HACL2: variants seen among roughly 807,000 people sequenced by gnomAD.
The protein encoded by HACL2 is 2-hydroxyacyl-CoA lyase 2, also known as 2-hydroxyacyl-CoA lyase 1 like.
chr19:15,119,207 C>T, the HACL2 span: 23 of 1,602,952 alleles, frequency 1.4e-5, no homozygotes, highest in Admixed American at 1.5e-4. Flanking sequence ...GGCCGCACTG[C>T]GGTTCTCCCG....
At chr19:15,119,900 A>G in the HACL2 span, 1 of 944,184 alleles carries the variant, frequency 1.1e-6, no homozygotes, top group Non-Finnish European at 1.6e-6. Context: ...AGGCCCCAGT[A>G]CTGACTCAGG....
At chr19:15,125,368 T>C in the HACL2 span, 2 of 381,270 alleles carry the variant, frequency 5.2e-6, no homozygotes, top group Non-Finnish European at 4.8e-6. Context: ...CACACAGTTA[T>C]CTTCCACTTA....
At chr19:15,116,505 C>CGAAGGAACCCACATCTCCTGGG in the HACL2 span, 1 of 1,613,558 alleles carries the variant, frequency 6.2e-7, no homozygotes, top group Non-Finnish European at 8.5e-7. Flanking sequence ...AACTTCAGCA[C>CGAAGGAACCCACATCTCCTGGG]GAAGGAACCC....
chr19:15,119,681 G>A, the HACL2 span, among the ~76,000 whole-genome samples: 2 of 152,204 alleles, frequency 1.3e-5, no homozygotes, highest in Non-Finnish European at 2.9e-5. Context: ...CTCCAGAGTA[G>A]CTGGGATTAC....
the HACL2 span, chr19:15,123,064 A>T: frequency 6.2e-7 from 1 of 1,609,718 alleles, no homozygotes; most frequent in Non-Finnish European, 8.5e-7. This position sits in a 1 kb window ranked among gnomAD's most constrained non-coding sequence, Gnocchi z 5.1. Flanking sequence ...GGGTTATCGC[A>T]TGAGCCCTTC....
the HACL2 span, among the ~76,000 whole-genome samples, chr19:15,120,613 T>C: frequency 1.3e-5 from 2 of 152,200 alleles, no homozygotes; most frequent in African/African-American, 4.8e-5. Flanking sequence ...GAAGGACCTG[T>C]GCAGGGCCCT....
the HACL2 span, among the ~76,000 whole-genome samples, chr19:15,120,464 C>T: frequency 6.6e-6 from 1 of 152,190 alleles, no homozygotes; most frequent in East Asian, 1.9e-4. Flanking sequence ...AAATATGAAC[C>T]TCCCTCCCCA....
the HACL2 span, chr19:15,116,853 C>T: frequency 3.1e-6 from 1 of 321,238 alleles, no homozygotes; most frequent in Admixed American, 4.7e-5. Context: ...CCACCAAGCA[C>T]ATCTCTCAAA....
At chr19:15,120,853 G>A in the HACL2 span, among the ~76,000 whole-genome samples, 1 of 151,740 alleles carries the variant, frequency 6.6e-6, no homozygotes, top group Admixed American at 6.6e-5. Flanking sequence ...GATTGCTCGA[G>A]GCCAGGAGTT....
the HACL2 span, chr19:15,120,009 C>T: frequency 6.4e-7 from 1 of 1,550,552 alleles, no homozygotes; most frequent in Non-Finnish European, 8.7e-7. Flanking sequence ...GGGGGATGTC[C>T]AGGGGCAGCG....
At chr19:15,122,564 C>G in the HACL2 span, 6 of 769,598 alleles carry the variant, frequency 7.8e-6, no homozygotes, top group East Asian at 1.6e-4. The surrounding 1 kb of genome is among the most constrained non-coding windows in gnomAD (Gnocchi z 4.0). Flanking sequence ...GTTCCTTCTA[C>G]CTGGAATGCT....
the HACL2 span, chr19:15,123,919 A>C: frequency 3.1e-6 from 1 of 324,434 alleles, no homozygotes; most frequent in Non-Finnish European, 5.7e-6. This position sits in a 1 kb window ranked among gnomAD's most constrained non-coding sequence, Gnocchi z 5.1. Flanking sequence ...AGAGGGTTAT[A>C]TAACCCAGGG....
At chr19:15,115,816 A>G in the HACL2 span, 1 of 1,603,268 alleles carries the variant, frequency 6.2e-7, no homozygotes, top group African/African-American at 1.3e-5. Flanking sequence ...CCAGAACCCC[A>G]GGCCCTAAGC....
chr19:15,122,776 G>A, the HACL2 span: 681 of 1,614,148 alleles, frequency 4.2e-4, 3 homozygotes, highest in African/African-American at 8.1e-3. The surrounding 1 kb of genome is among the most constrained non-coding windows in gnomAD (Gnocchi z 4.0). Context: ...GGTACAGCAC[G>A]TCAACGGGCA....
At chr19:15,119,539 A>C in the HACL2 span, 2 of 1,587,502 alleles carry the variant, frequency 1.3e-6, no homozygotes, top group Non-Finnish European at 1.7e-6. Flanking sequence ...TGGGGATCAA[A>C]GGGCTGTCTT....
chr19:15,117,960 C>A, the HACL2 span: 1 of 1,614,100 alleles, frequency 6.2e-7, no homozygotes, highest in African/African-American at 1.3e-5. Flanking sequence ...CGATGATGAT[C>A]TTGCTGCTGT....
the HACL2 span, chr19:15,117,505 T>C: frequency 5.8e-6 from 1 of 171,808 alleles, no homozygotes; most frequent in African/African-American, 2.4e-5. Flanking sequence ...GAGATGCTGA[T>C]TCCACAAAAA....
chr19:15,117,362 A>G, the HACL2 span: 1 of 155,606 alleles, frequency 6.4e-6, no homozygotes, highest in African/African-American at 2.4e-5. Context: ...TGTCCACCCC[A>G]CCATTTGTTC....
At chr19:15,116,608 G>A in the HACL2 span, 2 of 1,067,522 alleles carry the variant, frequency 1.9e-6, no homozygotes, top group East Asian at 4.9e-5. Context: ...CAGGAAGCCA[G>A]CAGCAGCATC....
Sources: allele counts gnomAD v4.1 joint callset (sites outside exome capture counted in the v4.1 genomes callset), GRCh38; gene constraint gnomAD v4.1.1; non-coding constraint Gnocchi (gnomAD v3.1); transcripts MANE v1.5; gene names NCBI Gene and HGNC (gene_info 2026-07-23, HGNC 2026-07-21).